L3MBTL4: variants seen among roughly 807,000 people sequenced by gnomAD.
L3MBTL4 encodes L3MBTL histone methyl-lysine binding protein 4.
In L3MBTL4, 70 loss-of-function variants were observed where a neutral mutation model predicts 84.5. The ratio of observed to expected loss-of-function variants is 0.83; its 90% CI spans 0.68 to 1.01. The LOEUF (loss-of-function observed/expected upper bound fraction) is 1.01, where lower values mean the gene tolerates loss of function less well. L3MBTL4 is among the 50% of genes least tolerant of loss of function. L3MBTL4 has a pLI of 0.00. For missense variants in L3MBTL4, 715 were observed against 754.8 expected (o/e 0.95, Z 0.62); for synonymous variants, 274 against 259.8 (o/e 1.05, Z -0.52).
At chr18:6,329,383 G>A (rs1456122132) in intron 1 of L3MBTL4, among the ~76,000 whole-genome samples, 1 of 151,726 alleles carries the variant, frequency 6.6e-6, no homozygotes, top group Non-Finnish European at 1.5e-5. Flanking sequence ...TCTATCTCCT[G>A]ACCTCACGAT....
At chr18:6,111,510 G>C (rs910586296) in intron 14 of L3MBTL4, among the ~76,000 whole-genome samples, 2 of 152,082 alleles carry the variant, frequency 1.3e-5, no homozygotes, top group African/African-American at 4.8e-5. Context: ...TGCATATTGA[G>C]GTTCCATGGC....
intron 4 of L3MBTL4, among the ~76,000 whole-genome samples, chr18:6,293,726 G>A (rs1214505027): frequency 6.6e-6 from 1 of 152,154 alleles, no homozygotes; most frequent in Non-Finnish European, 1.5e-5. Context: ...ATGCAGTGGC[G>A]ACGGAAGCAT....
At chr18:6,199,096 G>A (rs1351905269) in intron 12 of L3MBTL4, among the ~76,000 whole-genome samples, 2 of 152,146 alleles carry the variant, frequency 1.3e-5, no homozygotes, top group African/African-American at 4.8e-5. Context: ...ATGTTAAAGA[G>A]ACAGCAAATA....
chr18:6,367,932 G>A (rs2054003124), intron 1 of L3MBTL4, among the ~76,000 whole-genome samples: 2 of 152,086 alleles, frequency 1.3e-5, no homozygotes, highest in African/African-American at 2.4e-5. Flanking sequence ...AGTTCTATAA[G>A]TTACAGTCAC....
intron 17 of L3MBTL4, 122 bp downstream of exon 17, chr18:5,969,270 GA>G: frequency 2.9e-6 from 3 of 1,045,388 alleles, no homozygotes; most frequent in Non-Finnish European, 4.3e-6. Context: ...TTACATGGCA[GA>G]TGCGATGCCT....
At chr18:6,164,075 G>A (rs1245243181) in intron 13 of L3MBTL4, among the ~76,000 whole-genome samples, 12 of 152,304 alleles carry the variant, frequency 7.9e-5, no homozygotes, top group Non-Finnish European at 1.3e-4. Context: ...ACGGAGCCTC[G>A]CTCATTGCTA....
At chr18:6,330,749 C>T (rs569727157) in intron 1 of L3MBTL4, among the ~76,000 whole-genome samples, 1 of 152,348 alleles carries the variant, frequency 6.6e-6, no homozygotes, top group East Asian at 1.9e-4. Context: ...AAAACTTCTA[C>T]TACAAACACT....
chr18:6,355,912 C>T (rs1260119412), intron 1 of L3MBTL4, among the ~76,000 whole-genome samples: 2 of 152,018 alleles, frequency 1.3e-5, no homozygotes, highest in African/African-American at 2.4e-5. Context: ...GATTCACCAG[C>T]GTGTGCATGA....
intron 1 of L3MBTL4, among the ~76,000 whole-genome samples, chr18:6,383,872 T>TA (rs942788888): frequency 6.6e-6 from 1 of 152,328 alleles, no homozygotes; most frequent in Admixed American, 6.5e-5. Flanking sequence ...AATTGTGGGA[T>TA]AAAAAACCTG....
intron 1 of L3MBTL4, chr18:6,356,648 A>T (rs1266391387): frequency 6.6e-6 from 1 of 152,204 alleles, no homozygotes; most frequent in African/African-American, 2.4e-5. Flanking sequence ...ACAATAAAAA[A>T]TACGGTATAA....
At chr18:5,995,620 C>A (rs946536492) in intron 16 of L3MBTL4, among the ~76,000 whole-genome samples, 1 of 152,138 alleles carries the variant, frequency 6.6e-6, no homozygotes, top group Non-Finnish European at 1.5e-5. Context: ...AAGAATGAGC[C>A]TTCGCACTTC....
intron 14 of L3MBTL4, among the ~76,000 whole-genome samples, 153 bp downstream of exon 14, chr18:6,138,041 G>T (rs887994003): frequency 1.3e-5 from 2 of 152,172 alleles, no homozygotes; most frequent in Admixed American, 1.3e-4. Flanking sequence ...GCAGGCAGAG[G>T]AAAATGTCAA....
intron 12 of L3MBTL4, among the ~76,000 whole-genome samples, chr18:6,184,393 A>C (rs1171197631): frequency 6.6e-6 from 1 of 152,252 alleles, no homozygotes; most frequent in Admixed American, 6.5e-5. Flanking sequence ...TGGACAAATG[A>C]ATGAATAAAT....
At chr18:5,966,708 C>A (rs2052369948) in intron 17 of L3MBTL4, among the ~76,000 whole-genome samples, 1 of 152,148 alleles carries the variant, frequency 6.6e-6, no homozygotes, top group South Asian at 2.1e-4. Context: ...ATCACGTTAT[C>A]CTCCTGGCCC....
At chr18:6,263,368 A>G (rs1417696989) in intron 5 of L3MBTL4, among the ~76,000 whole-genome samples, 3 of 152,144 alleles carry the variant, frequency 2.0e-5, no homozygotes, top group Non-Finnish European at 4.4e-5. Flanking sequence ...AGAAGAACAA[A>G]AAGACTATCA....
chr18:6,376,886 G>T (rs1244636913), intron 1 of L3MBTL4, among the ~76,000 whole-genome samples: 1 of 152,152 alleles, frequency 6.6e-6, no homozygotes, highest in African/African-American at 2.4e-5. Flanking sequence ...TAGCAAGATG[G>T]GATTTGTCCT....
chr18:6,203,795 C>G (rs1006131448), intron 12 of L3MBTL4, among the ~76,000 whole-genome samples: 2 of 152,196 alleles, frequency 1.3e-5, no homozygotes, highest in African/African-American at 4.8e-5. Flanking sequence ...TTCTACGTTT[C>G]TAACCAGCTC....
chr18:5,960,176 G>A lies in L3MBTL4; in HGVS notation c.1615-20C>T. The A allele has an allele frequency of 6.5e-7, 1 of 1,534,550 alleles. No individual in the cohort carries two copies. The highest frequency in any genetic ancestry group is 8.9e-7 in the Non-Finnish European group (1 of 1,123,196). On this transcript the variant is annotated intron_variant, in intron 17 of 18. Transcript: ENST00000317931. ...AGCCACCTACAGTGCGAGATGAAAAGCCTAATTTAATACATGCACCTGAAA... is the reference window on the plus strand; with the variant it reads ...AGCCACCTACAGTGCGAGATGAAAAACCTAATTTAATACATGCACCTGAAA...
At chr18:6,076,512 A>G (rs552788123) in intron 16 of L3MBTL4, among the ~76,000 whole-genome samples, 1 of 152,180 alleles carries the variant, frequency 6.6e-6, no homozygotes, top group African/African-American at 2.4e-5. Flanking sequence ...AGTGATGATT[A>G]AATGGGTATG....
Sources: allele counts gnomAD v4.1 joint callset (sites outside exome capture counted in the v4.1 genomes callset), GRCh38; gene constraint gnomAD v4.1.1; transcripts MANE v1.5; gene names NCBI Gene and HGNC (gene_info 2026-07-23, HGNC 2026-07-21).